Variants in QTMAN observed in about 807,000 individuals in gnomAD.
QTMAN encodes tRNA-queuosine alpha-mannosyltransferase.
chr2:144,265,445 C>A, the QTMAN span, among the ~76,000 whole-genome samples: 4 of 152,150 alleles, frequency 2.6e-5, no homozygotes, highest in Admixed American at 2.0e-4. Flanking sequence ...CACCTGTAAT[C>A]CCAGCACTTT....
chr2:144,029,414 A>G, the QTMAN span, among the ~76,000 whole-genome samples: 3 of 152,330 alleles, frequency 2.0e-5, no homozygotes, highest in East Asian at 5.8e-4. Context: ...GCTACTGTTC[A>G]TGGTAGGGTT....
the QTMAN span, among the ~76,000 whole-genome samples, chr2:144,137,884 G>C: frequency 6.6e-6 from 1 of 152,008 alleles, no homozygotes; most frequent in Non-Finnish European, 1.5e-5. Flanking sequence ...TCAAATTCAA[G>C]GACGCTTTTT....
chr2:144,142,022 A>C, the QTMAN span: 1 of 1,611,046 alleles, frequency 6.2e-7, no homozygotes, highest in Non-Finnish European at 8.5e-7. Context: ...CCATATTAAA[A>C]ACTGAGTTGA....
chr2:143,971,522 G>C, the QTMAN span, among the ~76,000 whole-genome samples: 2 of 151,876 alleles, frequency 1.3e-5, no homozygotes, highest in Non-Finnish European at 2.9e-5. Context: ...AGAGGCTAAA[G>C]GACACTAACA....
chr2:143,965,692 A>G, the QTMAN span, among the ~76,000 whole-genome samples: 3 of 152,182 alleles, frequency 2.0e-5, no homozygotes, highest in African/African-American at 7.2e-5. Context: ...CGCCAGGAGC[A>G]CCACCCCATT....
the QTMAN span, among the ~76,000 whole-genome samples, chr2:144,278,033 A>G: frequency 6.6e-6 from 1 of 152,214 alleles, no homozygotes; most frequent in Non-Finnish European, 1.5e-5. Context: ...AGATCCACCA[A>G]TGATGGCAGG....
chr2:143,972,123 G>T, the QTMAN span, among the ~76,000 whole-genome samples: 1 of 152,072 alleles, frequency 6.6e-6, no homozygotes, highest in Non-Finnish European at 1.5e-5. Context: ...GTACCATTGG[G>T]AAGTTTCTGG....
At chr2:144,303,670 G>A in the QTMAN span, among the ~76,000 whole-genome samples, 2 of 152,154 alleles carry the variant, frequency 1.3e-5, no homozygotes, top group East Asian at 1.9e-4. Context: ...TAAAAAGGGA[G>A]TAACAGGGCA....
the QTMAN span, among the ~76,000 whole-genome samples, chr2:144,182,851 TTTTATATATA>T: frequency 4.0e-5 from 2 of 49,430 alleles, no homozygotes; most frequent in African/African-American, 1.5e-4. Context: ...TATATATATA[TTTTATATATA>T]ATATATATAT....
chr2:143,978,150 GCTCT>G, the QTMAN span, among the ~76,000 whole-genome samples: 2 of 152,060 alleles, frequency 1.3e-5, no homozygotes, highest in African/African-American at 2.4e-5. Context: ...GGATGAAAGT[GCTCT>G]CTAATAAAAC....
chr2:144,297,783 T>C, the QTMAN span, among the ~76,000 whole-genome samples: 226 of 151,450 alleles, frequency 1.5e-3, no homozygotes, highest in Middle Eastern at 0.01. Context: ...GGTTTCACCA[T>C]GTTAGCCAGG....
the QTMAN span, among the ~76,000 whole-genome samples, chr2:144,028,921 G>C: frequency 6.6e-6 from 1 of 152,180 alleles, no homozygotes; most frequent in East Asian, 1.9e-4. Flanking sequence ...TGAGAAACAG[G>C]ACTGGGAGGG....
the QTMAN span, among the ~76,000 whole-genome samples, chr2:144,264,704 G>A: frequency 1.1e-3 from 167 of 152,348 alleles, no homozygotes; most frequent in Non-Finnish European, 1.9e-3. Flanking sequence ...AAGCTACCAT[G>A]AGAGGGAAAG....
chr2:144,094,738 C>A, the QTMAN span, among the ~76,000 whole-genome samples: 1 of 152,194 alleles, frequency 6.6e-6, no homozygotes, highest in Admixed American at 6.5e-5. Context: ...GGTGGGGACA[C>A]ACAGCCAAAC....
At chr2:144,147,282 C>A in the QTMAN span, among the ~76,000 whole-genome samples, 1 of 151,044 alleles carries the variant, frequency 6.6e-6, no homozygotes, top group African/African-American at 2.4e-5. Context: ...AAAATCTTAC[C>A]AAGGAGATGC....
At chr2:144,211,358 T>C in the QTMAN span, 1 of 152,674 alleles carries the variant, frequency 6.5e-6, no homozygotes. Flanking sequence ...GCATTTTTTC[T>C]GCTGGCCAAT....
At chr2:144,020,858 A>G in the QTMAN span, among the ~76,000 whole-genome samples, 19 of 152,220 alleles carry the variant, frequency 1.2e-4, no homozygotes, top group African/African-American at 4.6e-4. Flanking sequence ...GCAGTAAGAA[A>G]GGACATCCAA....
At chr2:144,189,706 G>A in the QTMAN span, among the ~76,000 whole-genome samples, 14 of 151,680 alleles carry the variant, frequency 9.2e-5, no homozygotes, top group African/African-American at 1.7e-4. Context: ...TGCAACCTCC[G>A]CCTCCCGGGT....
At chr2:144,104,646 A>C in the QTMAN span, among the ~76,000 whole-genome samples, 5 of 152,232 alleles carry the variant, frequency 3.3e-5, no homozygotes, top group Non-Finnish European at 7.3e-5. Flanking sequence ...CAGCTCAAGG[A>C]GGCCTGCCTG....
Sources: gnomAD v4.1 joint callset for allele counts (sites outside exome capture counted in the v4.1 genomes callset) on GRCh38, gnomAD v4.1.1 for gene constraint, MANE v1.5 for transcripts, NCBI Gene and HGNC (gene_info 2026-07-23, HGNC 2026-07-21) for gene names.